The following FBP2 variants were observed in gnomAD, a reference collection of about 807,000 sequenced individuals.
The protein encoded by FBP2 is fructose-1,6-bisphosphatase isozyme 2.
In FBP2, 27 loss-of-function variants were observed where a neutral mutation model predicts 31.6. The ratio of observed to expected loss-of-function variants is 0.85; its 90% CI spans 0.63 to 1.18. The LOEUF is 1.18. Ranked by LOEUF, FBP2 falls within the 50% of genes most tolerant of loss-of-function variation. The pLI, the probability that FBP2 is intolerant of heterozygous loss-of-function variation, is 0.00. For synonymous variants in FBP2, 168 were observed against 179.8 expected (o/e 0.93, Z 0.53); for missense variants, 421 against 436.1 (o/e 0.97, Z 0.31).
In FBP2 at chr9:94,593,665, T is replaced by C. The variant is rs773390438; in HGVS notation, c.62A>G (p.Lys21Arg). 1.9e-6 allele frequency: 3 copies of C among 1,614,064 alleles called. No homozygotes were observed. The highest frequency in any genetic ancestry group is 4.5e-5 in the East Asian group (2 of 44,892). ...MLTLTRYVME[K>R]GRQAKGTGEL... is the part of the protein sequence containing the mutation. ...CCCAGTCCCTTTGGCCTGACGCCCCTTTTCCATAACGTAGCGGGTCAGGGT... is the reference window on the plus strand; with the variant it reads ...CCCAGTCCCTTTGGCCTGACGCCCCCTTTCCATAACGTAGCGGGTCAGGGT... Residue 21 changes from lysine to arginine, a missense_variant, in exon 1 of 7, where the codon AAG (lysine) becomes AGG (arginine). By Grantham distance (26) the Lys-to-Arg change is conservative (BLOSUM62 2). Coordinates refer to ENST00000375337, the MANE Select transcript of FBP2 (RefSeq NM_003837.4).
At chr9:94,560,232 G>T (rs1369235494) in intron 6 of FBP2, among the ~76,000 whole-genome samples, 1 of 152,214 alleles carries the variant, frequency 6.6e-6, no homozygotes, top group African/African-American at 2.4e-5. Context: ...GCCAGTCTCT[G>T]CACAAGATCC....
rs747370347 is a variant in FBP2, at chr9:94,584,636, C to G, written c.367G>C (p.Gly123Arg). The G allele has an allele frequency of 1.1e-5, 18 of 1,613,734 alleles. No individual in the cohort carries two copies. The highest frequency in any genetic ancestry group is 3.3e-5 in the Admixed American group (2 of 60,006). ...GCCAGGCAGTCAATATTGGAAGATC[C>G]ATCCAGTGGGTCAAAGCAGACCACG... ...KYVVCFDPLD[G>R]SSNIDCLASI... is the part of the protein sequence containing the mutation. Residue 123 changes from glycine to arginine, a missense_variant, in exon 3 of 7, where the codon GGA becomes CGA. Coordinates refer to ENST00000375337, the MANE Select transcript of FBP2 (RefSeq NM_003837.4).
Position 94,563,377 on chromosome 9 carries a change from G to A in FBP2, c.790C>T (p.Leu264=). 1.2e-6 allele frequency: 2 copies of A among 1,614,176 alleles called. No homozygotes were observed. ...GGGCTCTTCTGGTTGGCTGGGTACA[G>A]GAAGATTCCTCCATAGACCAGGGTG... ...HRTLVYGGIF[L]YPANQKSPKG... The change falls in exon 6 of 7, where the codon CTG becomes TTG. Residue 264 remains leucine (L), a synonymous_variant. Transcript: ENST00000375337.
At chr9:94,565,769 ATGATAGAT>A (rs200240369) in intron 5 of FBP2, among the ~76,000 whole-genome samples, 2,105 of 43,680 alleles carry the variant, frequency 0.048, 155 homozygotes, top group East Asian at 0.44. Context: ...AGATACATAG[ATGATAGAT>A]AGATAGATAG....
At chr9:94,577,237 C>G (rs554482012) in intron 3 of FBP2, 1 of 152,472 alleles carries the variant, frequency 6.6e-6, no homozygotes, top group South Asian at 2.1e-4. Context: ...CCTCTTCCTT[C>G]CTGTAAAACT....
intron 3 of FBP2, among the ~76,000 whole-genome samples, chr9:94,582,351 C>CGTGTGCGT: frequency 2.0e-5 from 3 of 147,852 alleles, no homozygotes; most frequent in African/African-American, 7.5e-5. Flanking sequence ...TGTGTGTGTG[C>CGTGTGCGT]GTGTGTGTGT....
intron 3 of FBP2, among the ~76,000 whole-genome samples, chr9:94,582,343 TGTGTGTGC>T (rs1440231389): frequency 2.1e-4 from 17 of 79,926 alleles, no homozygotes; most frequent in Admixed American, 7.4e-4. Context: ...TAAATATGTG[TGTGTGTGC>T]GTGTGTGTGT....
intron 3 of FBP2, among the ~76,000 whole-genome samples, chr9:94,581,729 C>T (rs79973396): frequency 6.6e-6 from 1 of 152,170 alleles, no homozygotes; most frequent in Admixed American, 6.5e-5. Flanking sequence ...ACTGAATGGA[C>T]CTGCCTCTTG....
intron 5 of FBP2, among the ~76,000 whole-genome samples, chr9:94,564,576 C>T (rs73525316): frequency 0.023 from 3,504 of 152,204 alleles, 146 homozygotes; most frequent in African/African-American, 0.08. Context: ...AACCAAATGC[C>T]ACATGTTCTC....
Position 94,559,151 on chromosome 9 carries a change from A to C in FBP2, c.826-19T>G, listed in dbSNP as rs1291314228. ...GCCGGAGCTGTGGAGGAACAGAGGC[A>C]GGTGAGTAAACTCTGCAAGTGGCCA... On this transcript the variant is annotated intron_variant, in intron 6 of 6. Coordinates refer to ENST00000375337, the MANE Select transcript of FBP2 (RefSeq NM_003837.4). 4 of 1,603,220 alleles carry C rather than the reference A, an allele frequency of 2.5e-6. No individual in the cohort carries two copies. The highest frequency in any genetic ancestry group is 2.7e-5 in the African/African-American group (2 of 74,660).
intron 3 of FBP2, among the ~76,000 whole-genome samples, chr9:94,579,050 C>CTAAAAAAAAAAAAAAAA (rs1564185204): frequency 3.3e-5 from 1 of 30,606 alleles, no homozygotes; most frequent in African/African-American, 2.0e-4. Flanking sequence ...GAGACTCTGT[C>CTAAAAAAAAAAAAAAAA]AAAAAAAAAA....
Position 94,559,091 on chromosome 9 carries a change from A to G in FBP2, c.867T>C (p.Ile289=). 1 of 1,613,956 alleles carries G rather than the reference A, an allele frequency of 6.2e-7. No homozygotes were observed. Residue 289 remains isoleucine (I), a synonymous_variant, in exon 7 of 7, where the codon ATT becomes ATC. Coordinates refer to ENST00000375337, the MANE Select transcript of FBP2 (RefSeq NM_003837.4). ...LYECNPVAYI[I]EQAGGLATTG... ...TGGTCGCCAAGCCTCCTGCCTGCTC[A>G]ATGATGTAGGCCACGGGATTGCATT...
chr9:94,574,425 T>G (rs1484395718), intron 3 of FBP2, among the ~76,000 whole-genome samples: 1 of 152,144 alleles, frequency 6.6e-6, no homozygotes, highest in East Asian at 1.9e-4. Context: ...GTAAAACCTT[T>G]TATATGTTTA....
rs1314891266 is a variant in FBP2 at position 94,563,325 on chromosome 9, G to A, written c.825+17C>T. On this transcript the variant is annotated intron_variant, in intron 6 of 6. Coordinates refer to ENST00000375337, the MANE Select transcript of FBP2 (RefSeq NM_003837.4). The stretch of plus-strand genomic sequence containing the variant: ...CTCCCTGACCGGATGCACAGCCAGT[G>A]GACAAGGGAGAATTACCTTGCCCTT... 6.2e-7 allele frequency: 1 copy of A among 1,613,058 alleles called. No homozygotes were observed. Among genetic ancestry groups the A allele is most frequent in the Non-Finnish European group, 8.5e-7 (1 of 1,179,432 alleles).
chr9:94,587,445 G>C lies in FBP2; in HGVS notation c.195C>G (p.Asn65Lys). ...AHLYGIAGSV[N>K]VTGDEVKKLD... ...GTTTCTTCACCTCATCTCCCGTCAC[G>C]TTAACGCTTCCTGCGATTCCATACC... is the stretch of plus-strand genomic sequence containing the variant. The change falls in exon 2 of 7, where the codon AAC becomes AAG. Residue 65 changes from asparagine (N) to lysine (K), a missense_variant. Asn to Lys is a moderately conservative substitution (Grantham distance 94). Coordinates refer to ENST00000375337, the MANE Select transcript of FBP2 (RefSeq NM_003837.4). 2 of 1,614,008 alleles carry C rather than the reference G, an allele frequency of 1.2e-6. No individual in the cohort carries two copies. The highest frequency in any genetic ancestry group is 1.7e-6 in the Non-Finnish European group (2 of 1,179,970).
intron 5 of FBP2, among the ~76,000 whole-genome samples, chr9:94,566,610 C>T (rs1463219884): frequency 1.3e-5 from 2 of 152,214 alleles, no homozygotes; most frequent in Non-Finnish European, 2.9e-5. Context: ...CACTTCACAC[C>T]TCTATATTTC....
chr9:94,580,544 T>G (rs1410463022), intron 3 of FBP2, among the ~76,000 whole-genome samples: 1 of 152,234 alleles, frequency 6.6e-6, no homozygotes, highest in East Asian at 1.9e-4. Context: ...CTTTCAATTA[T>G]CACTCTGGTT....
intron 1 of FBP2, among the ~76,000 whole-genome samples, chr9:94,590,088 C>T (rs560580962): frequency 1.3e-5 from 2 of 152,136 alleles, no homozygotes; most frequent in African/African-American, 4.8e-5. Flanking sequence ...CCCCTGCACC[C>T]TCTCTCCAGG....
At chr9:94,562,944 G>A (rs539559935) in intron 6 of FBP2, among the ~76,000 whole-genome samples, 2 of 152,256 alleles carry the variant, frequency 1.3e-5, no homozygotes, top group Admixed American at 1.3e-4. Flanking sequence ...TAATGTGTAC[G>A]TTTACATGCA....
Sources: gnomAD v4.1 joint callset for allele counts (sites outside exome capture counted in the v4.1 genomes callset) on GRCh38, gnomAD v4.1.1 for gene constraint, MANE v1.5 for transcripts, NCBI Gene and HGNC (gene_info 2026-07-23, HGNC 2026-07-21) for gene names.